Variants in SLC39A10 observed in about 807,000 individuals in gnomAD.
SLC39A10 encodes the protein solute carrier family 39 member 10, also known as zinc transporter ZIP10.
Under a neutral mutation model 65.1 loss-of-function variants are expected in SLC39A10, and 13 were observed. The observed-to-expected ratio is 0.20, with a 90% CI of 0.13 to 0.32. The LOEUF (loss-of-function observed/expected upper bound fraction) is 0.32. SLC39A10 is among the 10% of genes least tolerant of loss of function. The pLI is 1.00. For missense variants in SLC39A10, 831 were observed against 1,018.4 expected (o/e 0.82, Z 2.50); for synonymous variants, 321 against 342.2 (o/e 0.94, Z 0.68).
At chr2:195,629,762 C>T (rs1358125173) in intron 2 of SLC39A10, among the ~76,000 whole-genome samples, 3 of 152,154 alleles carry the variant, frequency 2.0e-5, no homozygotes, top group Non-Finnish European at 4.4e-5. Context: ...AAGACAATCT[C>T]GCTCTTGTCA....
intron 2 of SLC39A10, among the ~76,000 whole-genome samples, chr2:195,641,045 A>G (rs1318620585): frequency 6.6e-6 from 1 of 152,182 alleles, no homozygotes. Flanking sequence ...AGTACATTGA[A>G]CAAGGAACAG....
intron 1 of SLC39A10, among the ~76,000 whole-genome samples, chr2:195,666,937 C>T (rs113075815): frequency 3.3e-5 from 5 of 152,218 alleles, no homozygotes; most frequent in African/African-American, 1.2e-4. Context: ...TCCAGGTTCC[C>T]TGTAATGAAA....
At chr2:195,692,918 A>G (rs753887176) in intron 3 of SLC39A10, among the ~76,000 whole-genome samples, 1 of 152,098 alleles carries the variant, frequency 6.6e-6, no homozygotes, top group African/African-American at 2.4e-5. Context: ...TTCTCAGGGA[A>G]TGCTTTCAAC....
rs1692567464 is a variant in SLC39A10, at chr2:195,735,634, TG to T, written c.*594del. 1 of 152,622 alleles carries T rather than the reference TG, an allele frequency of 6.6e-6. No homozygotes were observed. Among genetic ancestry groups the T allele is most frequent in the African/African-American group, 2.4e-5 (1 of 41,440 alleles). 9.5% of individuals were successfully genotyped at this position (152,622 alleles called of 1,614,324 possible). ...TTCTTGAATCTAGAGTTACTATTTTTGTATATATTTGCATAGTGTTTAAACC... is the reference window on the plus strand; with the variant it reads ...TTCTTGAATCTAGAGTTACTATTTTTTATATATTTGCATAGTGTTTAAACC... On this transcript the variant is annotated 3_prime_UTR_variant, in exon 10 of 10. Transcript: ENST00000359634.
At chr2:195,675,200 A>C (rs896886167) in intron 1 of SLC39A10, among the ~76,000 whole-genome samples, 1 of 152,230 alleles carries the variant, frequency 6.6e-6, no homozygotes. Flanking sequence ...GGAGGAAAAA[A>C]AATAAAAATT....
At chr2:195,729,770 G>C (rs1692373161) in intron 9 of SLC39A10, among the ~76,000 whole-genome samples, 2 of 151,810 alleles carry the variant, frequency 1.3e-5, no homozygotes, top group Admixed American at 6.6e-5. Context: ...CCCTATTGCT[G>C]CTCTCTTTTA....
At chr2:195,638,921 A>G (rs1688745882) in intron 2 of SLC39A10, among the ~76,000 whole-genome samples, 1 of 150,348 alleles carries the variant, frequency 6.7e-6, no homozygotes, top group Non-Finnish European at 1.5e-5. Context: ...ACAGTTTCTC[A>G]AATTTTTCTT....
chr2:195,731,981 T>C (rs917456043), intron 9 of SLC39A10, among the ~76,000 whole-genome samples: 30 of 152,200 alleles, frequency 2.0e-4, no homozygotes, highest in African/African-American at 6.5e-4. Flanking sequence ...GTCACAATTA[T>C]ATTGGAAACA....
chr2:195,674,441 C>T (rs547723609), intron 1 of SLC39A10: 10 of 225,844 alleles, frequency 4.4e-5, no homozygotes, highest in Non-Finnish European at 7.4e-5. Flanking sequence ...CCAGGCCTGG[C>T]TAATTTTTGT....
At chr2:195,690,194 A>G (rs1011771523) in intron 3 of SLC39A10, among the ~76,000 whole-genome samples, 1 of 147,978 alleles carries the variant, frequency 6.8e-6, no homozygotes, top group Admixed American at 6.7e-5. Context: ...AAAAAAAAAA[A>G]AAAAAGAAAG....
At position 195,736,896 on chromosome 2, in the gene SLC39A10, A is replaced by G. The variant is rs80203387; in HGVS notation, c.*1855A>G. Reference sequence around the variant, plus strand: ...GTGATTTAGATATCTATCTATCTAGATTTCTGAACCAAGATATATTTATAG... The same window carrying G: ...GTGATTTAGATATCTATCTATCTAGGTTTCTGAACCAAGATATATTTATAG... On this transcript the variant is annotated 3_prime_UTR_variant, in exon 10 of 10. Transcript: ENST00000359634. 2.2e-5 allele frequency: 3 copies of G among 134,394 alleles called. No homozygotes were observed. Among genetic ancestry groups the G allele is most frequent in the Non-Finnish European group, 5.1e-5 (3 of 58,648 alleles). The allele number at this position is 134,394 out of a possible 1,614,324, so 8.3% of individuals were successfully genotyped here. A position where few individuals can be genotyped will look rare whatever the true frequency, so the allele number is the denominator to read the frequency against.
At chr2:195,664,741 A>G (rs901291957) in intron 1 of SLC39A10, among the ~76,000 whole-genome samples, 2 of 152,350 alleles carry the variant, frequency 1.3e-5, no homozygotes, top group African/African-American at 4.8e-5. Flanking sequence ...TAATTTCTCT[A>G]GAAATCAATT....
intron 8 of SLC39A10, among the ~76,000 whole-genome samples, chr2:195,726,118 C>T (rs1460693154): frequency 6.6e-6 from 1 of 152,046 alleles, no homozygotes; most frequent in Non-Finnish European, 1.5e-5. Context: ...AAATAGTTCG[C>T]CTTGAATCTT....
chr2:195,688,581 A>G (rs565250001), intron 3 of SLC39A10, among the ~76,000 whole-genome samples: 2 of 152,298 alleles, frequency 1.3e-5, no homozygotes, highest in South Asian at 4.1e-4. Context: ...GGATAAGAAG[A>G]CATGTTCGTA....
chr2:195,695,861 C>T (rs1190616486), intron 3 of SLC39A10, among the ~76,000 whole-genome samples: 2 of 152,138 alleles, frequency 1.3e-5, no homozygotes, highest in African/African-American at 4.8e-5. Flanking sequence ...ATTCTCAAAT[C>T]TAATGTTGTG....
intron 1 of SLC39A10, among the ~76,000 whole-genome samples, chr2:195,676,346 C>T (rs796540025): frequency 8.9e-4 from 134 of 149,882 alleles, no homozygotes; most frequent in African/African-American, 3.3e-3. Flanking sequence ...CCTGCCACAG[C>T]GCCTGGCCTA....
chr2:195,668,378 T>G (rs1219884182), intron 1 of SLC39A10, among the ~76,000 whole-genome samples: 1 of 152,268 alleles, frequency 6.6e-6, no homozygotes, highest in African/African-American at 2.4e-5. Flanking sequence ...ATTTTCACAT[T>G]AAGTTTACTT....
intron 2 of SLC39A10, among the ~76,000 whole-genome samples, chr2:195,639,702 G>A (rs898404760): frequency 9.2e-5 from 14 of 152,136 alleles, no homozygotes; most frequent in Admixed American, 6.5e-4. Flanking sequence ...TCAACCTCCC[G>A]AGTAGCTGGG....
rs1184836487 is a variant in SLC39A10, at chr2:195,713,464, C to G, written c.1607C>G (p.Thr536Arg). 12 of 1,575,924 alleles carry G rather than the reference C, an allele frequency of 7.6e-6. No individual in the cohort carries two copies. The highest frequency in any genetic ancestry group is 1.0e-5 in the Non-Finnish European group (12 of 1,168,858). The change falls in exon 6 of 10, where the codon ACA becomes AGA. Residue 536 changes from threonine (T) to arginine (R), a missense_variant. Around this residue, in one of 4 missense-constraint regions of SLC39A10, gnomAD observed 230 missense variants for 242.9 expected, o/e 0.95. Transcript: ENST00000359634. ...CAGAAATGGTTTATGAAACAGAACACAGAAGAATCAACTATTGGAAGAAAG... is the reference window on the plus strand; with the variant it reads ...CAGAAATGGTTTATGAAACAGAACAGAGAAGAATCAACTATTGGAAGAAAG... ...GKQKWFMKQN[T>R]EESTIGRKLS...
Sources: gnomAD v4.1 joint callset for allele counts (sites outside exome capture counted in the v4.1 genomes callset) on GRCh38, gnomAD v4.1.1 for gene constraint, gnomAD v4.1.1 regional missense constraint, MANE v1.5 for transcripts, NCBI Gene and HGNC (gene_info 2026-07-23, HGNC 2026-07-21) for gene names.